FKBP15: variants seen among roughly 807,000 people sequenced by gnomAD.
The protein encoded by FKBP15 is FKBP prolyl isomerase family member 15, also known as FK506-binding protein 15.
FKBP15 carries 106 observed loss-of-function variants against 158.1 expected under a neutral mutation model. The observed-to-expected ratio is 0.67, with a 90% CI of 0.57 to 0.79. FKBP15 has a LOEUF of 0.79. FKBP15 is among the 30% of genes least tolerant of loss of function. FKBP15 has a pLI of 0.00. For missense variants in FKBP15, 1,287 were observed against 1,479.1 expected (o/e 0.87, Z 2.13); for synonymous variants, 547 against 548.6 (o/e 1.00, Z 0.04).
At chr9:113,174,003 T>C (rs900207291) in intron 22 of FKBP15, among the ~76,000 whole-genome samples, 4 of 152,192 alleles carry the variant, frequency 2.6e-5, no homozygotes, top group Non-Finnish European at 4.4e-5. Flanking sequence ...TTTAAGCTTA[T>C]AATGAGAAAG....
chr9:113,169,148 G>C (rs1053992917), intron 26 of FKBP15, 76 bp downstream of exon 26: 1 of 1,500,986 alleles, frequency 6.7e-7, no homozygotes, highest in African/African-American at 1.4e-5. Flanking sequence ...GGGATGAGTT[G>C]CCAGCCCTGG....
At chr9:113,208,996 G>A (rs1231175980) in intron 2 of FKBP15, among the ~76,000 whole-genome samples, 1 of 121,838 alleles carries the variant, frequency 8.2e-6, no homozygotes, top group African/African-American at 3.2e-5. Context: ...GACAGAGCGA[G>A]ACTCCATCTC....
At position 113,173,698 on chromosome 9, in the gene FKBP15, G is replaced by C. The variant is rs1830254797; in HGVS notation, c.2380-93C>G. ...GAAACCCATCTTTCAAAAAGCAAAA[G>C]AATAAGCTAACAGCCCAGATTTAAC... On this transcript the variant is annotated intron_variant, in intron 22 of 27. Transcript: ENST00000238256. 7.4e-6 allele frequency: 10 copies of C among 1,345,744 alleles called. No individual in the cohort carries two copies. The South Asian group carries it at 1.4e-4, about 18-fold the overall frequency. 83.4% of individuals were successfully genotyped at this position (1,345,744 alleles called of 1,614,324 possible).
intron 12 of FKBP15, among the ~76,000 whole-genome samples, chr9:113,189,825 CT>C (rs1353181041): frequency 1.3e-5 from 2 of 152,080 alleles, no homozygotes; most frequent in Non-Finnish European, 2.9e-5. Flanking sequence ...AATTAAGTTA[CT>C]TTATAGCATA....
intron 7 of FKBP15, 84 bp downstream of exon 7, chr9:113,199,730 C>T (rs988542257): frequency 2.0e-5 from 27 of 1,344,112 alleles, no homozygotes; most frequent in Middle Eastern, 1.9e-4. Flanking sequence ...CAACAGCAGC[C>T]GTTCACAGTA....
rs760428541 is a variant in FKBP15 at position 113,161,636 on chromosome 9, C to T, written c.*4442G>A. The T allele has an allele frequency of 6.2e-6, 10 of 1,614,016 alleles. No individual in the cohort carries two copies. The highest frequency in any genetic ancestry group is 2.2e-5 in the South Asian group (2 of 91,086). ...CAACCTCCATCAGCCAGCAGACCAT[C>T]GCAGAGACAGACGGGGACTCTGCAG... is the stretch of plus-strand genomic sequence containing the variant. On this transcript the variant is annotated 3_prime_UTR_variant, in exon 28 of 28. Coordinates refer to ENST00000238256, the MANE Select transcript of FKBP15 (RefSeq NM_015258.2).
intron 4 of FKBP15, among the ~76,000 whole-genome samples, chr9:113,203,830 T>C (rs1378780713): frequency 6.6e-6 from 1 of 151,870 alleles, no homozygotes; most frequent in East Asian, 1.9e-4. Flanking sequence ...CCCAGACAAT[T>C]TTGCTATTCT....
At chr9:113,178,066 C>T (rs762004396) in intron 20 of FKBP15, among the ~76,000 whole-genome samples, 1 of 151,990 alleles carries the variant, frequency 6.6e-6, no homozygotes, top group East Asian at 1.9e-4. Flanking sequence ...GGACTAAAAG[C>T]GAATATTGGT....
Position 113,202,527 on chromosome 9 carries a change from T to C in FKBP15, c.498+4A>G, listed in dbSNP as rs1322972937. On this transcript the variant is annotated splice_donor_region_variant and intron_variant, in intron 6 of 27. Transcript: ENST00000238256. ...TTTTCACAGGGAGAGTAAGATGTTATCACCTGCTTATTGAACTCCACAGCA... is the reference window on the plus strand; with the variant it reads ...TTTTCACAGGGAGAGTAAGATGTTACCACCTGCTTATTGAACTCCACAGCA... 1.3e-6 allele frequency: 2 copies of C among 1,566,906 alleles called. No homozygotes were observed. The highest frequency in any genetic ancestry group is 1.7e-4 in the Middle Eastern group (1 of 6,016).
Position 113,169,228 on chromosome 9 carries a change from A to G in FKBP15, c.3481T>C (p.Ser1161Pro). Residue 1161 changes from serine (S) to proline (P), a missense_variant, in exon 26 of 28, where the codon TCC (serine) becomes CCC (proline). Coordinates refer to ENST00000238256, the MANE Select transcript of FKBP15 (RefSeq NM_015258.2). ...ALRPSHHSQR[S>P]SLSGDEEDEL... ...GCAGTGCTCAGAGGAACATACCTGGAACGCTGGGAATGATGGCTGGGTCTG... is the reference window on the plus strand; with the variant it reads ...GCAGTGCTCAGAGGAACATACCTGGGACGCTGGGAATGATGGCTGGGTCTG... 1 of 1,612,172 alleles carries G rather than the reference A, an allele frequency of 6.2e-7. No homozygotes were observed. Among genetic ancestry groups the G allele is most frequent in the Non-Finnish European group, 8.5e-7 (1 of 1,178,822 alleles).
intron 13 of FKBP15, 83 bp downstream of exon 13, chr9:113,188,306 C>A (rs1355771831): frequency 9.5e-7 from 1 of 1,056,442 alleles, no homozygotes; most frequent in Admixed American, 1.9e-5. Flanking sequence ...TGAAACAATG[C>A]AGCCTAACAG....
chr9:113,169,418 G>A lies in FKBP15; in HGVS notation c.3291C>T (p.Ser1097=). 1 of 1,614,020 alleles carries A rather than the reference G, an allele frequency of 6.2e-7. No homozygotes were observed. The highest frequency in any genetic ancestry group is 1.1e-5 in the South Asian group (1 of 91,080). The change falls in exon 26 of 28, where the codon TCC becomes TCT. Residue 1097 remains serine, a synonymous_variant. Transcript: ENST00000238256. ...CCCCCTCCTCGGGGTCTGAAGTCAG[G>A]GACAGTCTTGTGGAGCTTTCTTGTA... The part of the protein sequence containing the change: ...GPLQESSTRL[S]LTSDPEEGDP...
At chr9:113,212,882 G>C (rs1831039409) in intron 1 of FKBP15, among the ~76,000 whole-genome samples, 1 of 152,108 alleles carries the variant, frequency 6.6e-6, no homozygotes, top group African/African-American at 2.4e-5. Flanking sequence ...ACTTGCTCTT[G>C]AGTGCCAGAA....
chr9:113,185,899 A>G (rs1035403781), intron 15 of FKBP15, among the ~76,000 whole-genome samples: 30 of 152,206 alleles, frequency 2.0e-4, no homozygotes, highest in African/African-American at 7.2e-4. Flanking sequence ...CTCTTTTACT[A>G]TTTTCTCTAA....
chr9:113,184,766 G>T lies in FKBP15; in HGVS notation c.1537C>A (p.Arg513=). 6.2e-7 allele frequency: 1 copy of T among 1,606,254 alleles called. No individual in the cohort carries two copies. ...DMASFLMTEA[R]QHNTEIRMAV... ...ATTCGAATTTCAGTGTTATGTTGCC[G>T]GGCTTCAGTCATGAGAAATGAAGCC... Residue 513 remains arginine (R), a synonymous_variant, in exon 16 of 28, where the codon CGG becomes AGG. Transcript: ENST00000238256. This position sits in a 1 kb window ranked among gnomAD's most constrained non-coding sequence, Gnocchi z 4.5.
chr9:113,203,105 C>T, intron 4 of FKBP15, 70 bp from the exon 5 acceptor site: 1 of 1,052,038 alleles, frequency 9.5e-7, no homozygotes, highest in Non-Finnish European at 1.4e-6. Flanking sequence ...AATATAAAAT[C>T]AGCAATATAA....
intron 14 of FKBP15, chr9:113,187,243 C>A (rs6477992): frequency 0.82 from 127,024 of 154,826 alleles, 52,208 homozygotes; most frequent in South Asian, 0.88. Context: ...AGCAGCTGTT[C>A]CCAGTGACAG....
At chr9:113,208,644 T>C (rs566183688) in intron 2 of FKBP15, among the ~76,000 whole-genome samples, 1 of 152,338 alleles carries the variant, frequency 6.6e-6, no homozygotes, top group East Asian at 1.9e-4. Flanking sequence ...CTTCTTATAA[T>C]AAATTCCTTA....
At chr9:113,213,520 G>A (rs977105299) in intron 1 of FKBP15, among the ~76,000 whole-genome samples, 11 of 151,706 alleles carry the variant, frequency 7.3e-5, no homozygotes, top group African/African-American at 2.4e-4. Context: ...ACTACAGTGA[G>A]CTATGATCAT....
Sources: allele counts gnomAD v4.1 joint callset (sites outside exome capture counted in the v4.1 genomes callset), GRCh38; gene constraint gnomAD v4.1.1; non-coding constraint Gnocchi (gnomAD v3.1); transcripts MANE v1.5; gene names NCBI Gene and HGNC (gene_info 2026-07-23, HGNC 2026-07-21).